Variants in GPBP1 observed in about 807,000 individuals in gnomAD.
The protein encoded by GPBP1 is GC-rich promoter binding protein 1.
In GPBP1, 13 loss-of-function variants were observed where a neutral mutation model predicts 56.5. The observed-to-expected ratio is 0.23, with a 90% CI of 0.15 to 0.37. The LOEUF (loss-of-function observed/expected upper bound fraction) is 0.37, where lower values mean the gene tolerates loss of function less well. GPBP1 is among the 10% of genes least tolerant of loss of function. GPBP1 has a pLI of 1.00. For synonymous variants in GPBP1, 204 were observed against 188.9 expected, an observed-to-expected ratio of 1.08 and a Z score of -0.66; for missense variants, 477 against 572.3, an observed-to-expected ratio of 0.83 and a Z score of 1.70.
chr5:57,176,781 A>G (rs1005314275), intron 2 of GPBP1, among the ~76,000 whole-genome samples: 1 of 152,180 alleles, frequency 6.6e-6, no homozygotes, highest in Non-Finnish European at 1.5e-5. Flanking sequence ...TGTATTCTAA[A>G]TGCGTGTGCC....
intron 6 of GPBP1, among the ~76,000 whole-genome samples, chr5:57,237,657 T>C (rs1740601166): frequency 6.6e-6 from 1 of 152,166 alleles, no homozygotes; most frequent in Non-Finnish European, 1.5e-5. Context: ...ACTCTCATTG[T>C]ATCACACTTT....
Position 57,225,452 on chromosome 5 carries a change from C to T in GPBP1, c.64-5394C>T, listed in dbSNP as rs957729814. Among the ~76,000 whole-genome samples, 7 of 145,988 alleles carry T rather than the reference C, an allele frequency of 4.8e-5. 1 individual carries two copies. The highest frequency in any genetic ancestry group is 2.8e-4 in the Admixed American group (4 of 14,154). On this transcript the variant is annotated intron_variant, in intron 3 of 11. Transcript: ENST00000506184. Reference sequence around the variant, plus strand: ...GAGCTTGCAGTGAGCCAAGATCGTGCCACTGCACTGCACCCTGGGAGTCAG... The same window carrying T: ...GAGCTTGCAGTGAGCCAAGATCGTGTCACTGCACTGCACCCTGGGAGTCAG...
chr5:57,237,846 TAA>T (rs372184607), intron 6 of GPBP1, among the ~76,000 whole-genome samples: 1 of 145,530 alleles, frequency 6.9e-6, no homozygotes. Context: ...TAATATTTAT[TAA>T]AAAAAAAAAG....
At chr5:57,214,028 T>C in intron 2 of GPBP1, 46 bp from the exon 3 acceptor site, 1 of 816,760 alleles carries the variant, frequency 1.2e-6, no homozygotes, top group Admixed American at 2.1e-5. Flanking sequence ...GCGCTAATTT[T>C]TGGCCAGGAG....
Position 57,213,117 on chromosome 5 carries a change from G to C in GPBP1, c.-57-957G>C, listed in dbSNP as rs563824630. Reference sequence around the variant, plus strand: ...TGCCCAGGCTGGAGTGCAGTGGCGTGATCTTGGCTTACTGCAACCTCTGTC... The same window carrying C: ...TGCCCAGGCTGGAGTGCAGTGGCGTCATCTTGGCTTACTGCAACCTCTGTC... On this transcript the variant is annotated intron_variant, in intron 2 of 11. Coordinates refer to ENST00000506184, the MANE Select transcript of GPBP1 (RefSeq NM_022913.4). 9.9e-5 allele frequency among the ~76,000 whole-genome samples: 15 copies of C among 151,990 alleles called. No individual in the cohort carries two copies. In the East Asian group the frequency reaches 2.9e-3, roughly 29 times the overall value.
intron 2 of GPBP1, among the ~76,000 whole-genome samples, chr5:57,184,125 G>A (rs1298871185): frequency 6.6e-6 from 1 of 152,018 alleles, no homozygotes; most frequent in East Asian, 1.9e-4. Flanking sequence ...CCAGCTACTT[G>A]GGAGGCTGAG....
intron 2 of GPBP1, among the ~76,000 whole-genome samples, chr5:57,213,126 T>G (rs1225700834): frequency 3.9e-5 from 6 of 152,158 alleles, no homozygotes; most frequent in Admixed American, 6.6e-5. Flanking sequence ...TGATCTTGGC[T>G]TACTGCAACC....
chr5:57,246,293 T>C lies in GPBP1; in HGVS notation c.479-7T>C, dbSNP rs374008954. On this transcript the variant is annotated splice_region_variant and splice_polypyrimidine_tract_variant and intron_variant, in intron 6 of 11. Transcript: ENST00000506184. The stretch of plus-strand genomic sequence containing the variant: ...GAGTGACTCTTGGTCATGCTTTATT[T>C]ATGCAGAATATCCTCCGAATCCTAA... 5.0e-6 allele frequency: 8 copies of C among 1,605,480 alleles called. No individual in the cohort carries two copies. Among genetic ancestry groups the C allele is most frequent in the Non-Finnish European group, 6.8e-6 (8 of 1,175,230 alleles).
intron 3 of GPBP1, among the ~76,000 whole-genome samples, chr5:57,230,509 A>C (rs560192335): frequency 1.6e-4 from 25 of 152,188 alleles, no homozygotes; most frequent in Non-Finnish European, 3.7e-4. Context: ...CTGTAGTGAA[A>C]ATTTATATCA....
intron 2 of GPBP1, among the ~76,000 whole-genome samples, chr5:57,199,956 T>C (rs943796135): frequency 6.6e-6 from 1 of 151,526 alleles, no homozygotes; most frequent in East Asian, 1.9e-4. Flanking sequence ...CTTCAAGTGA[T>C]CTACCTGCCG....
intron 2 of GPBP1, among the ~76,000 whole-genome samples, chr5:57,201,678 C>CT: frequency 6.6e-6 from 1 of 152,228 alleles, no homozygotes; most frequent in South Asian, 2.1e-4. Context: ...AGTAAACATT[C>CT]TTTTTTATAT....
intron 2 of GPBP1, among the ~76,000 whole-genome samples, chr5:57,189,026 C>G (rs1277217720): frequency 2.6e-5 from 4 of 152,156 alleles, no homozygotes; most frequent in Admixed American, 1.3e-4. Flanking sequence ...AAGTTTCACT[C>G]TTGTTGCCTA....
chr5:57,255,685 T>C (rs1236037057), intron 10 of GPBP1, among the ~76,000 whole-genome samples: 1 of 152,272 alleles, frequency 6.6e-6, no homozygotes, highest in African/African-American at 2.4e-5. Flanking sequence ...TCTTGTCTTC[T>C]GATTTCCCTT....
intron 10 of GPBP1, among the ~76,000 whole-genome samples, chr5:57,260,413 T>C (rs1370760436): frequency 6.6e-6 from 1 of 152,234 alleles, no homozygotes; most frequent in African/African-American, 2.4e-5. Flanking sequence ...TTCATTATTC[T>C]TCCACCCAAG....
At chr5:57,185,817 T>A (rs1754260023) in intron 2 of GPBP1, among the ~76,000 whole-genome samples, 1 of 151,800 alleles carries the variant, frequency 6.6e-6, no homozygotes, top group South Asian at 2.1e-4. Context: ...CTGGGCAACA[T>A]GATGAAAACC....
intron 1 of GPBP1, among the ~76,000 whole-genome samples, chr5:57,174,914 G>A (rs1024558479): frequency 1.3e-5 from 2 of 152,146 alleles, no homozygotes; most frequent in Non-Finnish European, 2.9e-5. Context: ...TAAGAAGCGG[G>A]TTTGCCCTAC....
At chr5:57,200,021 CTTTTTT>C (rs61426559) in intron 2 of GPBP1, among the ~76,000 whole-genome samples, 37 of 58,898 alleles carry the variant, frequency 6.3e-4, no homozygotes, top group Middle Eastern at 0.02. Flanking sequence ...ACTTGAAAAT[CTTTTTT>C]TTTTTTTTTT....
chr5:57,233,044 G>GA (rs1371026419), intron 5 of GPBP1, among the ~76,000 whole-genome samples: 1 of 152,196 alleles, frequency 6.6e-6, no homozygotes, highest in Admixed American at 6.5e-5. Context: ...CAAGGTGAAT[G>GA]AGAAGCTGGT....
chr5:57,181,615 T>C (rs1754054026), intron 2 of GPBP1, among the ~76,000 whole-genome samples: 1 of 147,836 alleles, frequency 6.8e-6, no homozygotes, highest in South Asian at 2.2e-4. Flanking sequence ...GGGGGGGCGG[T>C]GCGGGGGCAG....
Sources: gnomAD v4.1 joint callset for allele counts (sites outside exome capture counted in the v4.1 genomes callset) on GRCh38, gnomAD v4.1.1 for gene constraint, MANE v1.5 for transcripts, NCBI Gene and HGNC (gene_info 2026-07-23, HGNC 2026-07-21) for gene names.